The following SPTBN1 variants were observed in gnomAD, a reference collection of about 807,000 sequenced individuals.
SPTBN1 encodes spectrin beta chain, non-erythrocytic 1.
Under a neutral mutation model 266.4 loss-of-function variants are expected in SPTBN1, and 32 were observed. The ratio of observed to expected loss-of-function variants is 0.12; its 90% CI spans 0.09 to 0.16. The LOEUF is 0.16. Ranked by LOEUF, SPTBN1 falls within the 10% of genes least tolerant of loss-of-function variation. The pLI, the probability that SPTBN1 is intolerant of heterozygous loss-of-function variation, is 1.00. For missense variants in SPTBN1, 2,296 were observed against 3,067.1 expected (o/e 0.75, Z 5.94); for synonymous variants, 1,336 against 1,162.2 (o/e 1.15, Z -3.04).
At chr2:54,493,492 C>G (rs1573266440) in intron 1 of SPTBN1, among the ~76,000 whole-genome samples, 1 of 151,958 alleles carries the variant, frequency 6.6e-6, no homozygotes, top group Non-Finnish European at 1.5e-5. Context: ...TGCAACCTCC[C>G]CCTCCCAGAT....
intron 2 of SPTBN1, among the ~76,000 whole-genome samples, chr2:54,535,400 C>T (rs1671540893): frequency 6.6e-6 from 1 of 152,148 alleles, no homozygotes; most frequent in Non-Finnish European, 1.5e-5. Flanking sequence ...GGTTACTTCC[C>T]ATTTTCCTTT....
At chr2:54,529,851 CCAAAAAAA>C (rs1671100064) in intron 2 of SPTBN1, 16 of 59,482 alleles carry the variant, frequency 2.7e-4, no homozygotes, top group South Asian at 1.6e-3. Flanking sequence ...TCTCTTTTCA[CCAAAAAAA>C]AAAAAAAAAA....
chr2:54,609,847 C>T (rs1677095162), intron 3 of SPTBN1, among the ~76,000 whole-genome samples: 1 of 151,966 alleles, frequency 6.6e-6, no homozygotes, highest in South Asian at 2.1e-4. Flanking sequence ...TTTGTACAAC[C>T]AGAAGACTGG....
intron 17 of SPTBN1, 30 bp from the exon 18 acceptor site, chr2:54,637,683 T>A (rs768940401): frequency 7.7e-6 from 12 of 1,555,004 alleles, no homozygotes; most frequent in Non-Finnish European, 9.7e-6. Flanking sequence ...CTTCCTTTTT[T>A]AAAAATTATT....
At chr2:54,490,845 GGA>G (rs1668648790) in intron 1 of SPTBN1, among the ~76,000 whole-genome samples, 1 of 152,168 alleles carries the variant, frequency 6.6e-6, no homozygotes, top group South Asian at 2.1e-4. Context: ...AGAAAGCCAG[GGA>G]GAGAGAAAAC....
intron 2 of SPTBN1, among the ~76,000 whole-genome samples, chr2:54,542,814 A>G (rs1237763888): frequency 2.6e-5 from 4 of 152,166 alleles, no homozygotes; most frequent in Non-Finnish European, 5.9e-5. Context: ...AGGAAGAGGA[A>G]TTTGGTTTGG....
rs80156018 is a variant in SPTBN1, at chr2:54,463,065, A to G, written c.-48+6547A>G. On this transcript the variant is annotated intron_variant, in intron 1 of 35. Transcript: ENST00000356805. ...TACAGTGAGACTGGAAGAAACTAGA[A>G]GCAAGGAGACAGGAGAGAGGTGACT... Among the ~76,000 whole-genome samples, 332 of 151,960 alleles carry G rather than the reference A, an allele frequency of 2.2e-3. 2 individuals carry two copies. Among genetic ancestry groups the G allele is most frequent in the African/African-American group, 7.0e-3 (288 of 41,392 alleles).
Position 54,599,165 on chromosome 2 carries a change from G to T in SPTBN1, c.222G>T (p.Arg74=). ...CCCACCTTGCCCGTGTGTCCTGCCG[G>T]ATCACAGACCTGTACACTGACCTTC... ...VNSHLARVSC[R]ITDLYTDLRD... The change falls in exon 3 of 36, where the codon CGG becomes CGT. Residue 74 remains arginine (R), a synonymous_variant. Coordinates refer to ENST00000356805, the MANE Select transcript of SPTBN1 (RefSeq NM_003128.3). 1 of 1,614,178 alleles carries T rather than the reference G, an allele frequency of 6.2e-7. No individual in the cohort carries two copies. The highest frequency in any genetic ancestry group is 1.1e-5 in the South Asian group (1 of 91,086).
At chr2:54,661,755 T>TG in intron 32 of SPTBN1, 1 of 985,512 alleles carries the variant, frequency 1.0e-6, no homozygotes. Flanking sequence ...TGTGTGTGTG[T>TG]TTAAATTTTG....
At chr2:54,517,646 T>C (rs902950412) in intron 1 of SPTBN1, among the ~76,000 whole-genome samples, 9 of 148,910 alleles carry the variant, frequency 6.0e-5, no homozygotes, top group Non-Finnish European at 1.3e-4. Flanking sequence ...TATGGTGCCT[T>C]TTTTTTTTTT....
chr2:54,642,417 G>C (rs577211369), intron 18 of SPTBN1, among the ~76,000 whole-genome samples: 3 of 152,242 alleles, frequency 2.0e-5, no homozygotes, highest in South Asian at 2.1e-4. Flanking sequence ...AAACTTGAAG[G>C]AAACATTGAA....
intron 2 of SPTBN1, among the ~76,000 whole-genome samples, chr2:54,596,208 G>A (rs1422061005): frequency 2.0e-5 from 3 of 152,186 alleles, no homozygotes; most frequent in Non-Finnish European, 4.4e-5. Flanking sequence ...TCCTCAGACT[G>A]TCTGGCCCAT....
intron 18 of SPTBN1, among the ~76,000 whole-genome samples, chr2:54,639,038 A>G (rs1468862402): frequency 6.6e-6 from 1 of 152,248 alleles, no homozygotes; most frequent in Non-Finnish European, 1.5e-5. Context: ...GTCAACTTTA[A>G]GCACCACATT....
intron 2 of SPTBN1, among the ~76,000 whole-genome samples, chr2:54,596,916 C>T (rs960645288): frequency 1.5e-4 from 23 of 152,274 alleles, no homozygotes; most frequent in South Asian, 1.0e-3. Flanking sequence ...TCTGGCAAAT[C>T]CTCAGAGTTT....
rs1202449305 is a variant in SPTBN1, at chr2:54,653,064, C to G, written c.5578-545C>G. 6.6e-6 allele frequency: 1 copy of G among 152,146 alleles called. No homozygotes were observed. The highest frequency in any genetic ancestry group is 2.4e-5 in the African/African-American group (1 of 41,414). 9.4% of individuals were successfully genotyped at this position (152,146 alleles called of 1,614,324 possible). A position where few individuals can be genotyped will look rare whatever the true frequency, so the allele number is the denominator to read the frequency against. ...ATTTGGCTATTTCAAGTTTCACCTT[C>G]TTTAACGTTAATTAGTTATTTTAAC... On this transcript the variant is annotated intron_variant, in intron 26 of 35. Coordinates refer to ENST00000356805, the MANE Select transcript of SPTBN1 (RefSeq NM_003128.3). The surrounding 1 kb of genome is among the most constrained non-coding windows in gnomAD (Gnocchi z 5.1).
At chr2:54,583,990 GA>G (rs1337063084) in intron 2 of SPTBN1, among the ~76,000 whole-genome samples, 1 of 152,164 alleles carries the variant, frequency 6.6e-6, no homozygotes, top group Non-Finnish European at 1.5e-5. Context: ...TGTATTCATA[GA>G]AATACAGAAG....
chr2:54,497,962 A>G (rs1043254139), intron 1 of SPTBN1, among the ~76,000 whole-genome samples: 1 of 152,194 alleles, frequency 6.6e-6, no homozygotes, highest in Non-Finnish European at 1.5e-5. Flanking sequence ...AGAGAATAAC[A>G]AAGGAAAAAA....
intron 1 of SPTBN1, among the ~76,000 whole-genome samples, chr2:54,512,672 C>G (rs1281353247): frequency 6.6e-6 from 1 of 152,132 alleles, no homozygotes; most frequent in Non-Finnish European, 1.5e-5. Context: ...TTATAACTTA[C>G]AAATTTATAA....
intron 10 of SPTBN1, among the ~76,000 whole-genome samples, chr2:54,623,853 A>G (rs1361820897): frequency 6.6e-6 from 1 of 152,262 alleles, no homozygotes; most frequent in Non-Finnish European, 1.5e-5. Flanking sequence ...CTTGCTACTC[A>G]GATACATATC....
Sources: gnomAD v4.1 joint callset for allele counts (sites outside exome capture counted in the v4.1 genomes callset) on GRCh38, gnomAD v4.1.1 for gene constraint, Gnocchi (gnomAD v3.1) non-coding constraint, MANE v1.5 for transcripts, NCBI Gene and HGNC (gene_info 2026-07-23, HGNC 2026-07-21) for gene names.